The following CTNNA3 variants were observed in gnomAD, a reference collection of about 807,000 sequenced individuals.
CTNNA3 encodes catenin alpha-3.
In CTNNA3, 76 loss-of-function variants were observed where a neutral mutation model predicts 95.7. The ratio of observed to expected loss-of-function variants is 0.79; its 90% CI spans 0.66 to 0.96. The LOEUF is 0.96. Ranked by LOEUF, CTNNA3 falls within the 40% of genes least tolerant of loss-of-function variation. CTNNA3 has a pLI of 0.00. For synonymous variants in CTNNA3, 431 were observed against 374.4 expected, an observed-to-expected ratio of 1.15 and a Z score of -1.74; for missense variants, 1,191 against 1,089.8, an observed-to-expected ratio of 1.09 and a Z score of -1.31.
intron 5 of CTNNA3, among the ~76,000 whole-genome samples, chr10:67,446,656 G>A (rs925910624): frequency 6.6e-6 from 1 of 152,036 alleles, no homozygotes; most frequent in Non-Finnish European, 1.5e-5. Flanking sequence ...AAACTAGATA[G>A]GATCTTACCA....
intron 2 of CTNNA3, among the ~76,000 whole-genome samples, chr10:67,620,319 G>A (rs763062916): frequency 1.3e-5 from 2 of 152,122 alleles, no homozygotes; most frequent in Admixed American, 1.3e-4. Context: ...ACAGTCCAGA[G>A]AGCATTCCAG....
intron 7 of CTNNA3, among the ~76,000 whole-genome samples, chr10:67,045,387 A>T (rs1047077456): frequency 6.6e-6 from 1 of 152,190 alleles, no homozygotes. Flanking sequence ...TTTTTAAAAA[A>T]AATTTATTCA....
intron 5 of CTNNA3, among the ~76,000 whole-genome samples, chr10:67,513,108 A>C (rs1839693211): frequency 6.6e-6 from 1 of 152,194 alleles, no homozygotes; most frequent in South Asian, 2.1e-4. Context: ...TGTTAAAAGC[A>C]TCTTTGTTGT....
intron 5 of CTNNA3, among the ~76,000 whole-genome samples, chr10:67,256,194 C>A (rs1484569298): frequency 6.6e-6 from 1 of 152,098 alleles, no homozygotes; most frequent in African/African-American, 2.4e-5. Context: ...TTTGCCACAC[C>A]TTTCTCTTGC....
chr10:66,412,158 C>A (rs2093110473), intron 11 of CTNNA3, among the ~76,000 whole-genome samples: 1 of 151,962 alleles, frequency 6.6e-6, no homozygotes, highest in South Asian at 2.1e-4. Context: ...ATTCGATATT[C>A]CAGCAAGATA....
chr10:67,179,002 C>T (rs1862374951), intron 7 of CTNNA3, among the ~76,000 whole-genome samples: 1 of 152,022 alleles, frequency 6.6e-6, no homozygotes, highest in Non-Finnish European at 1.5e-5. Flanking sequence ...TGGTCAGGAA[C>T]CAAAGTCATC....
At chr10:65,923,798 TAAAAG>T (rs1013908221) in intron 17 of CTNNA3, among the ~76,000 whole-genome samples, 49 of 152,028 alleles carry the variant, frequency 3.2e-4, no homozygotes, top group African/African-American at 1.1e-3. Context: ...ATGAAATAAC[TAAAAG>T]AAAAGTAAAT....
At chr10:66,735,351 T>G (rs1849099335) in intron 9 of CTNNA3, among the ~76,000 whole-genome samples, 2 of 151,930 alleles carry the variant, frequency 1.3e-5, no homozygotes, top group South Asian at 4.1e-4. Flanking sequence ...CAAATTCTTA[T>G]TTAGAGGTAA....
At chr10:67,231,145 G>T (rs1380367635) in intron 5 of CTNNA3, among the ~76,000 whole-genome samples, 1 of 152,232 alleles carries the variant, frequency 6.6e-6, no homozygotes, top group Admixed American at 6.5e-5. Context: ...CAAAGCAGCT[G>T]GGAAGCTCAA....
At chr10:66,724,248 C>T (rs1229276286) in intron 9 of CTNNA3, among the ~76,000 whole-genome samples, 1 of 152,178 alleles carries the variant, frequency 6.6e-6, no homozygotes, top group Non-Finnish European at 1.5e-5. Context: ...CCTATTCATG[C>T]TTTTTAATCA....
chr10:67,328,132 G>A (rs1042559848), intron 5 of CTNNA3, among the ~76,000 whole-genome samples: 4 of 152,130 alleles, frequency 2.6e-5, no homozygotes, highest in African/African-American at 9.7e-5. Context: ...CACCTCCACA[G>A]ACACATGCCA....
Position 67,695,795 on chromosome 10 carries a change from A to G in CTNNA3, c.-6+205T>C, listed in dbSNP as rs527847311. The stretch of plus-strand genomic sequence containing the variant: ...TTCCCCTGGCAATAGTTCGAAAGTT[A>G]TTTATAACTTTAAAATTAGCGTGAA... On this transcript the variant is annotated intron_variant, in intron 1 of 17. Transcript: ENST00000433211. Among the ~76,000 whole-genome samples the G allele has an allele frequency of 3.3e-5, 5 of 152,334 alleles. No homozygotes were observed. The South Asian group carries it at 1.0e-3, about 32-fold the overall frequency.
chr10:67,472,937 C>T (rs1184579094), intron 5 of CTNNA3, among the ~76,000 whole-genome samples: 1 of 152,166 alleles, frequency 6.6e-6, no homozygotes, highest in Non-Finnish European at 1.5e-5. Flanking sequence ...GAGTTGATCA[C>T]GTTCCCCTTT....
chr10:66,437,991 C>G (rs1157981113), intron 11 of CTNNA3, among the ~76,000 whole-genome samples: 1 of 152,152 alleles, frequency 6.6e-6, no homozygotes, highest in African/African-American at 2.4e-5. Flanking sequence ...GCTGGAGGTC[C>G]ACTCCAGACC....
chr10:67,304,319 A>C (rs1260195945), intron 5 of CTNNA3, among the ~76,000 whole-genome samples: 1 of 152,236 alleles, frequency 6.6e-6, no homozygotes, highest in Non-Finnish European at 1.5e-5. Flanking sequence ...GGACAAGTAC[A>C]TACACAAGAA....
intron 10 of CTNNA3, among the ~76,000 whole-genome samples, chr10:66,618,630 T>C (rs902237551): frequency 1.3e-5 from 2 of 151,926 alleles, no homozygotes; most frequent in African/African-American, 2.4e-5. Context: ...TAGGCAATAC[T>C]ATTCAGGACA....
In CTNNA3 at chr10:67,216,789, G is replaced by A. The variant is rs142941254; in HGVS notation, c.843+2818C>T. 3.0e-4 allele frequency among the ~76,000 whole-genome samples: 46 copies of A among 152,270 alleles called. No homozygotes were observed. The East Asian group carries it at 8.7e-3, about 29-fold the overall frequency. ...ACAGCTGCTTTTTCCCTCCTCACAG[G>A]AGACAATATGTCTTAATGGACTTGG... On this transcript the variant is annotated intron_variant, in intron 6 of 17. Transcript: ENST00000433211.
At chr10:66,708,787 G>T (rs1244260782) in intron 9 of CTNNA3, among the ~76,000 whole-genome samples, 1 of 152,064 alleles carries the variant, frequency 6.6e-6, no homozygotes, top group Non-Finnish European at 1.5e-5. Flanking sequence ...AGGTTGTAAG[G>T]TTTCACTGAC....
At chr10:66,186,133 C>T (rs2086330013) in intron 13 of CTNNA3, among the ~76,000 whole-genome samples, 1 of 152,002 alleles carries the variant, frequency 6.6e-6, no homozygotes, top group Non-Finnish European at 1.5e-5. Flanking sequence ...TGAATGTTCT[C>T]ATCATAGAGA....
Sources: gnomAD v4.1 joint callset for allele counts (sites outside exome capture counted in the v4.1 genomes callset) on GRCh38, gnomAD v4.1.1 for gene constraint, MANE v1.5 for transcripts, NCBI Gene and HGNC (gene_info 2026-07-23, HGNC 2026-07-21) for gene names.